BCR: variants seen among roughly 807,000 people sequenced by gnomAD.
The protein encoded by BCR is breakpoint cluster region protein.
Under a neutral mutation model 138.6 loss-of-function variants are expected in BCR, and 58 were observed. The observed-to-expected ratio is 0.42, with a 90% CI of 0.34 to 0.52. The LOEUF (loss-of-function observed/expected upper bound fraction) is 0.52. Among genes scored for constraint, BCR ranks in the 20% least tolerant of loss-of-function variants. The pLI is 0.06. For synonymous variants in BCR, 786 were observed against 730.1 expected (o/e 1.08, Z -1.23); for missense variants, 1,599 against 1,727.2 (o/e 0.93, Z 1.32).
At chr22:23,221,390 C>T (rs2072822662) in intron 1 of BCR, among the ~76,000 whole-genome samples, 1 of 152,190 alleles carries the variant, frequency 6.6e-6, no homozygotes, top group South Asian at 2.1e-4. Context: ...CCCCTCCCTC[C>T]TTCACCCTGT....
At chr22:23,314,109 G>A in intron 21 of BCR, 36 bp downstream of exon 21, 1 of 1,553,352 alleles carries the variant, frequency 6.4e-7, no homozygotes, top group Non-Finnish European at 8.9e-7. Flanking sequence ...CAGGGCTCCA[G>A]GTCCCCAGGC....
intron 1 of BCR, among the ~76,000 whole-genome samples, chr22:23,184,695 A>G (rs1157527089): frequency 6.6e-6 from 1 of 152,084 alleles, no homozygotes. Flanking sequence ...TGTACAGTCT[A>G]TGAGTTTGGA....
chr22:23,276,374 G>C lies in BCR; in HGVS notation c.2115+2600G>C, dbSNP rs549585451. Among the ~76,000 whole-genome samples, 11 of 150,992 alleles carry C rather than the reference G, an allele frequency of 7.3e-5. No homozygotes were observed. In the South Asian group the frequency reaches 2.3e-3, roughly 32 times the overall value. The stretch of plus-strand genomic sequence containing the variant: ...AGATTGTGCCACTGCACTCCAGTCT[G>C]GGCAACAGAGCGAGATTCTGTCTCA... On this transcript the variant is annotated intron_variant, in intron 8 of 22. Transcript: ENST00000305877.
intron 4 of BCR, chr22:23,264,236 G>A (rs374692812): frequency 2.0e-4 from 204 of 1,012,400 alleles, no homozygotes; most frequent in African/African-American, 1.7e-3. Flanking sequence ...GGGCCTGCCC[G>A]CACACCTTCC....
intron 5 of BCR, among the ~76,000 whole-genome samples, chr22:23,270,295 C>CA (rs2073494894): frequency 1.3e-5 from 2 of 152,126 alleles, no homozygotes; most frequent in African/African-American, 4.8e-5. Flanking sequence ...ACCAGCTCTC[C>CA]AGACGGTAGG....
intron 2 of BCR, among the ~76,000 whole-genome samples, chr22:23,258,421 A>T (rs975059425): frequency 6.6e-6 from 1 of 152,198 alleles, no homozygotes; most frequent in Non-Finnish European, 1.5e-5. Context: ...GGCCCTGGGC[A>T]CTTCGTGTTG....
At chr22:23,280,815 A>G (rs1165638961) in intron 8 of BCR, among the ~76,000 whole-genome samples, 1 of 152,224 alleles carries the variant, frequency 6.6e-6, no homozygotes, top group East Asian at 1.9e-4. Flanking sequence ...GGGGCTCCCC[A>G]AAGGGAGTGT....
chr22:23,298,473 C>G (rs1171094458), intron 16 of BCR, among the ~76,000 whole-genome samples: 1 of 152,216 alleles, frequency 6.6e-6, no homozygotes, highest in Non-Finnish European at 1.5e-5. Flanking sequence ...TCAGTGTGAC[C>G]TGGGTGAATT....
At chr22:23,283,927 C>A in intron 8 of BCR, 50 bp from the exon 9 acceptor site, 4 of 1,520,428 alleles carry the variant, frequency 2.6e-6, no homozygotes, top group Non-Finnish European at 1.8e-6. Flanking sequence ...GAACACCCCC[C>A]ACCCATCACC....
rs773189108 is a variant in BCR, at chr22:23,181,029, G to A, written c.69G>A (p.Met23Ile). ...TCCCGGACTCAGAGCCCCCGCGCAT[G>A]GAGCTGCGCTCAGTGGGCGACATCG... ...AQFPDSEPPR[M>I]ELRSVGDIEQ... The change falls in exon 1 of 23, where the codon ATG (methionine) becomes ATA (isoleucine). Residue 23 changes from methionine to isoleucine, a missense_variant. Met to Ile is a conservative substitution (Grantham distance 10, BLOSUM62 1). Transcript: ENST00000305877. The A allele has an allele frequency of 6.7e-7, 1 of 1,503,258 alleles. No homozygotes were observed. Among genetic ancestry groups the A allele is most frequent in the Non-Finnish European group, 8.9e-7 (1 of 1,118,526 alleles). 93.1% of individuals were successfully genotyped at this position (1,503,258 alleles called of 1,614,324 possible).
rs1170482994 is a variant in BCR at position 23,180,919 on chromosome 22, C to T, written c.-42C>T. The T allele has an allele frequency of 1.9e-6, 2 of 1,080,950 alleles. No homozygotes were observed. Among genetic ancestry groups the T allele is most frequent in the Non-Finnish European group, 2.2e-6 (2 of 889,074 alleles). 67.0% of individuals were successfully genotyped at this position (1,080,950 alleles called of 1,614,324 possible). A position where few individuals can be genotyped will look rare whatever the true frequency, so the allele number is the denominator to read the frequency against. The stretch of plus-strand genomic sequence containing the variant: ...GGCGCCGCGCCGCCGCTGAGACGGG[C>T]CCCGCGCGCAGCCCGGCGGCGCAGG... On this transcript the variant is annotated 5_prime_UTR_variant, in exon 1 of 23. Transcript: ENST00000305877.
At chr22:23,297,204 G>GTTTTTTTTTTTTTTTTTT (rs1568979500) in intron 16 of BCR, among the ~76,000 whole-genome samples, 6 of 124,180 alleles carry the variant, frequency 4.8e-5, no homozygotes, top group African/African-American at 1.8e-4. Flanking sequence ...GCCTGGCTAA[G>GTTTTTTTTTTTTTTTTTT]TTGTTTTTTG....
chr22:23,284,045 C>T lies in BCR; in HGVS notation c.2184C>T (p.Val728=), dbSNP rs745424336. 1 of 1,609,884 alleles carries T rather than the reference C, an allele frequency of 6.2e-7. No individual in the cohort carries two copies. The highest frequency in any genetic ancestry group is 8.5e-7 in the Non-Finnish European group (1 of 1,178,274). Reference sequence around the variant, plus strand: ...AGGGGGCCCGCAAGCTGCGCCACGTCTTCCTGTTCACCGACCTGCTTCTCT... The same window carrying T: ...AGGGGGCCCGCAAGCTGCGCCACGTTTTCCTGTTCACCGACCTGCTTCTCT... ...LVEGARKLRH[V]FLFTDLLLCT... is the part of the protein sequence containing the mutation. Residue 728 remains valine, a synonymous_variant, in exon 9 of 23, where the codon GTC becomes GTT. Coordinates refer to ENST00000305877, the MANE Select transcript of BCR (RefSeq NM_004327.4).
chr22:23,199,175 A>G (rs970160857), intron 1 of BCR: 2 of 430,938 alleles, frequency 4.6e-6, no homozygotes, highest in African/African-American at 4.2e-5. Flanking sequence ...GATTATTAAC[A>G]TAAGTCTGGT....
Position 23,180,840 on chromosome 22 carries a change from GC to G in BCR, c.-119del. On this transcript the variant is annotated 5_prime_UTR_variant, in exon 1 of 23. Coordinates refer to ENST00000305877, the MANE Select transcript of BCR (RefSeq NM_004327.4). Reference sequence around the variant, plus strand: ...GAGTGGGCGGGCATTGTTCGCCGCCGCCGCCGCCGCGCGGGCCATGGGGGCC... The same window carrying G: ...GAGTGGGCGGGCATTGTTCGCCGCCGCGCCGCCGCGCGGGCCATGGGGGCC... 2.3e-6 allele frequency: 1 copy of G among 435,332 alleles called. No homozygotes were observed. The highest frequency in any genetic ancestry group is 2.7e-6 in the Non-Finnish European group (1 of 375,060). The allele number at this position is 435,332 out of a possible 1,614,324, so 27.0% of individuals were successfully genotyped here.
chr22:23,290,010 A>G, intron 13 of BCR: 1 of 508,294 alleles, frequency 2.0e-6, no homozygotes, highest in South Asian at 2.1e-5. Flanking sequence ...ACATATGCTC[A>G]GTCACACACA....
At chr22:23,309,345 T>G in intron 16 of BCR, 79 bp from the exon 17 acceptor site, 1 of 1,089,874 alleles carries the variant, frequency 9.2e-7, no homozygotes, top group East Asian at 2.6e-5. Flanking sequence ...GTTGGGGAAG[T>G]GGCGGGTGTG....
At chr22:23,273,389 C>T (rs2073531918) in intron 7 of BCR, among the ~76,000 whole-genome samples, 1 of 152,184 alleles carries the variant, frequency 6.6e-6, no homozygotes, top group Non-Finnish European at 1.5e-5. Context: ...TAGATCCTTA[C>T]AGAGGAGTCC....
At chr22:23,196,722 A>C (rs2072487528) in intron 1 of BCR, among the ~76,000 whole-genome samples, 2 of 152,186 alleles carry the variant, frequency 1.3e-5, no homozygotes, top group South Asian at 4.1e-4. Flanking sequence ...GATCCCTCGC[A>C]TACATAAGCC....
Sources: allele counts gnomAD v4.1 joint callset (sites outside exome capture counted in the v4.1 genomes callset), GRCh38; gene constraint gnomAD v4.1.1; transcripts MANE v1.5; gene names NCBI Gene and HGNC (gene_info 2026-07-23, HGNC 2026-07-21).